VPS4B: variants seen among roughly 807,000 people sequenced by gnomAD.
VPS4B encodes the protein vacuolar protein sorting-associated protein 4B.
A neutral mutation model predicts 56.1 loss-of-function variants in VPS4B; 23 were observed. The ratio of observed to expected loss-of-function variants is 0.41; its 90% CI spans 0.30 to 0.58. VPS4B has a LOEUF of 0.58. Among genes scored for constraint, VPS4B ranks in the 20% least tolerant of loss-of-function variants. VPS4B has a pLI of 0.29. For synonymous variants in VPS4B, 177 were observed against 186.0 expected (o/e 0.95, Z 0.39); for missense variants, 372 against 531.9 (o/e 0.70, Z 2.96).
chr18:63,413,372 C>G (rs1916088963), intron 1 of VPS4B, among the ~76,000 whole-genome samples: 1 of 152,064 alleles, frequency 6.6e-6, no homozygotes, highest in Admixed American at 6.6e-5. Context: ...AACCCCGTCT[C>G]TACTAAAACA....
intron 9 of VPS4B, among the ~76,000 whole-genome samples, chr18:63,393,851 C>T (rs1450981289): frequency 2.6e-5 from 4 of 152,158 alleles, no homozygotes; most frequent in African/African-American, 9.6e-5. Flanking sequence ...ATTCTCATCC[C>T]TCAGCCTCCC....
intron 1 of VPS4B, among the ~76,000 whole-genome samples, chr18:63,417,001 G>A (rs1916181330): frequency 6.6e-6 from 1 of 152,078 alleles, no homozygotes; most frequent in African/African-American, 2.4e-5. Flanking sequence ...CTCCTTTAGG[G>A]AGGTAGGTTC....
At chr18:63,413,400 G>A (rs1173515372) in intron 1 of VPS4B, among the ~76,000 whole-genome samples, 4 of 152,188 alleles carry the variant, frequency 2.6e-5, no homozygotes, top group South Asian at 2.1e-4. Context: ...TTGACCAGGC[G>A]TAGCGGCATG....
At chr18:63,418,264 C>A (rs1319541950) in intron 1 of VPS4B, among the ~76,000 whole-genome samples, 2 of 152,172 alleles carry the variant, frequency 1.3e-5, no homozygotes, top group African/African-American at 4.8e-5. Flanking sequence ...TCCTGATCTC[C>A]TATTTCTCCC....
chr18:63,403,899 G>C (rs1279399324), intron 4 of VPS4B, 73 bp from the exon 5 acceptor site: 1 of 1,492,020 alleles, frequency 6.7e-7, no homozygotes, highest in Non-Finnish European at 9.0e-7. Context: ...ATGAAATAAT[G>C]ATGTTAAAGA....
At chr18:63,393,615 AC>A in intron 9 of VPS4B, 66 bp from the exon 10 acceptor site, 1 of 1,352,090 alleles carries the variant, frequency 7.4e-7, no homozygotes, top group Non-Finnish European at 9.7e-7. Flanking sequence ...TTAATCCATT[AC>A]CAGGAAAGTT....
intron 8 of VPS4B, among the ~76,000 whole-genome samples, chr18:63,398,444 T>C (rs1325831907): frequency 6.6e-6 from 1 of 151,678 alleles, no homozygotes; most frequent in Non-Finnish European, 1.5e-5. Flanking sequence ...GGTTTTGAAC[T>C]CCTGAGCTCA....
chr18:63,417,022 G>T (rs1311390754), intron 1 of VPS4B, among the ~76,000 whole-genome samples: 3 of 152,142 alleles, frequency 2.0e-5, no homozygotes, highest in African/African-American at 7.2e-5. Flanking sequence ...CATGAGGACA[G>T]GACTTCACCT....
chr18:63,421,430 T>C (rs1260737669), intron 1 of VPS4B, among the ~76,000 whole-genome samples: 1 of 152,232 alleles, frequency 6.6e-6, no homozygotes, highest in East Asian at 1.9e-4. Context: ...TAGGCTACTC[T>C]TTTGTGCCTT....
chr18:63,391,560 GATC>G (rs1915550834), intron 10 of VPS4B, among the ~76,000 whole-genome samples: 1 of 152,106 alleles, frequency 6.6e-6, no homozygotes. Flanking sequence ...CATGATCTTT[GATC>G]ATGTTATTCC....
At chr18:63,398,790 G>A (rs1043680818) in intron 8 of VPS4B, among the ~76,000 whole-genome samples, 2 of 147,802 alleles carry the variant, frequency 1.4e-5, no homozygotes, top group African/African-American at 2.5e-5. Flanking sequence ...AGCCGAGATC[G>A]CACCACCGCA....
intron 1 of VPS4B, among the ~76,000 whole-genome samples, chr18:63,411,988 A>G (rs1916055612): frequency 6.6e-6 from 1 of 152,216 alleles, no homozygotes; most frequent in African/African-American, 2.4e-5. Context: ...AAAAGATATA[A>G]CAATAGTGGA....
At chr18:63,405,596 ATTTG>A (rs1357353975) in intron 4 of VPS4B, among the ~76,000 whole-genome samples, 1 of 151,608 alleles carries the variant, frequency 6.6e-6, no homozygotes, top group Non-Finnish European at 1.5e-5. Flanking sequence ...TTTCTCTTTT[ATTTG>A]TTTGTTTTAC....
chr18:63,416,904 A>T (rs375724908), intron 1 of VPS4B, among the ~76,000 whole-genome samples: 4 of 152,240 alleles, frequency 2.6e-5, no homozygotes, highest in South Asian at 2.1e-4. Context: ...GCTGCACCTC[A>T]TTCCTTCTCT....
chr18:63,400,429 G>GAGT, intron 6 of VPS4B, 118 bp downstream of exon 6: 1 of 1,181,498 alleles, frequency 8.5e-7, no homozygotes, highest in Non-Finnish European at 1.2e-6. Context: ...ACAGAGAAGT[G>GAGT]AGTACCTGTA....
intron 1 of VPS4B, among the ~76,000 whole-genome samples, chr18:63,418,847 G>A (rs1916228664): frequency 6.6e-6 from 1 of 152,032 alleles, no homozygotes; most frequent in Admixed American, 6.6e-5. Flanking sequence ...TACAACCTCT[G>A]CTACCACCTG....
intron 1 of VPS4B, among the ~76,000 whole-genome samples, chr18:63,417,038 T>C (rs1298052335): frequency 6.6e-6 from 1 of 152,174 alleles, no homozygotes; most frequent in Non-Finnish European, 1.5e-5. Context: ...CACCTTGAGC[T>C]ACCCATGCCT....
rs118035063 is a variant in VPS4B at position 63,395,636 on chromosome 18, T to C, written c.1092+1398A>G. Among the ~76,000 whole-genome samples, 3 of 152,336 alleles carry C rather than the reference T, an allele frequency of 2.0e-5. No individual in the cohort carries two copies. In the East Asian group the frequency reaches 5.8e-4, roughly 29 times the overall value. ...TAGTCATATTAGTCTTGACATACAT[T>C]ATGAGATTAGGTTTGCTAATAGTTT... On this transcript the variant is annotated intron_variant, in intron 9 of 10. Transcript: ENST00000238497.
intron 1 of VPS4B, among the ~76,000 whole-genome samples, chr18:63,418,834 G>A (rs1916228491): frequency 1.3e-5 from 2 of 152,098 alleles, no homozygotes; most frequent in Admixed American, 1.3e-4. Context: ...GACTCTGTAT[G>A]CCTACAACCT....
Sources: allele counts gnomAD v4.1 joint callset (sites outside exome capture counted in the v4.1 genomes callset), GRCh38; gene constraint gnomAD v4.1.1; transcripts MANE v1.5; gene names NCBI Gene and HGNC (gene_info 2026-07-23, HGNC 2026-07-21).